The following FAM120A variants were observed in gnomAD, a reference collection of about 807,000 sequenced individuals.
The protein encoded by FAM120A is family with sequence similarity 120 member A, also known as constitutive coactivator of PPAR-gamma-like protein 1.
Under a neutral mutation model 109.7 loss-of-function variants are expected in FAM120A, and 15 were observed. The observed-to-expected ratio is 0.14, with a 90% CI of 0.09 to 0.21. The LOEUF (loss-of-function observed/expected upper bound fraction) is 0.21. Ranked by LOEUF, FAM120A falls within the 10% of genes least tolerant of loss-of-function variation. The pLI, the probability that FAM120A is intolerant of heterozygous loss-of-function variation, is 1.00. For synonymous variants in FAM120A, 493 were observed against 572.8 expected (o/e 0.86, Z 1.99); for missense variants, 899 against 1,439.3 (o/e 0.62, Z 6.07).
rs1857337787 is a variant in FAM120A at position 93,452,895 on chromosome 9, C to G, written c.474+506C>G. ...TCAGTGCTGCTGCCGCCGCCCTTGC[C>G]AATGTTGTTAGCCCGGTGACAGCGA... is the stretch of plus-strand genomic sequence containing the variant. On this transcript the variant is annotated intron_variant, in intron 1 of 17. Coordinates refer to ENST00000277165, the MANE Select transcript of FAM120A (RefSeq NM_014612.5). The surrounding 1 kb of genome is among the most constrained non-coding windows in gnomAD (Gnocchi z 7.0). 2 of 1,443,006 alleles carry G rather than the reference C, an allele frequency of 1.4e-6. No individual in the cohort carries two copies. The highest frequency in any genetic ancestry group is 9.0e-7 in the Non-Finnish European group (1 of 1,106,508). 89.4% of individuals were successfully genotyped at this position (1,443,006 alleles called of 1,614,324 possible).
chr9:93,487,083 C>T (rs1055055703), intron 3 of FAM120A, among the ~76,000 whole-genome samples: 4 of 152,136 alleles, frequency 2.6e-5, no homozygotes, highest in Non-Finnish European at 5.9e-5. Flanking sequence ...TTCAGACCTT[C>T]TTTGGATAAA....
chr9:93,547,697 C>G (rs1861938409), intron 11 of FAM120A, among the ~76,000 whole-genome samples: 1 of 152,112 alleles, frequency 6.6e-6, no homozygotes, highest in Admixed American at 6.5e-5. Context: ...GAAAAAATTT[C>G]CAGAAATACC....
At chr9:93,476,122 G>A (rs1858537971) in intron 2 of FAM120A, 134 bp from the exon 3 acceptor site, 1 of 609,848 alleles carries the variant, frequency 1.6e-6, no homozygotes, top group African/African-American at 1.9e-5. Context: ...GTCGCTTTAT[G>A]TTAAGAGATG....
Position 93,558,660 on chromosome 9 carries a change from G to T in FAM120A, c.2748G>T (p.Ser916=). 1 of 1,614,104 alleles carries T rather than the reference G, an allele frequency of 6.2e-7. No homozygotes were observed. Among genetic ancestry groups the T allele is most frequent in the South Asian group, 1.1e-5 (1 of 91,078 alleles). ...PYRAFRVAAA[S]GHCGAFSGSD... ...GTGCCTTCCGTGTGGCGGCAGCATC[G>T]GGACACTGCGGAGCCTTCTCAGGCA... The change falls in exon 15 of 18, where the codon TCG becomes TCT. Residue 916 remains serine, a synonymous_variant. Coordinates refer to ENST00000277165, the MANE Select transcript of FAM120A (RefSeq NM_014612.5).
intron 10 of FAM120A, among the ~76,000 whole-genome samples, chr9:93,534,623 C>G (rs1432142618): frequency 6.6e-6 from 1 of 152,156 alleles, no homozygotes; most frequent in East Asian, 1.9e-4. Flanking sequence ...TCCCTCCTCT[C>G]CTCTTCTCCT....
intron 3 of FAM120A, among the ~76,000 whole-genome samples, chr9:93,485,973 C>G (rs1264397046): frequency 6.6e-6 from 1 of 151,972 alleles, no homozygotes; most frequent in Non-Finnish European, 1.5e-5. Flanking sequence ...GTACTTTATT[C>G]CTTTTTTAAA....
intron 1 of FAM120A, among the ~76,000 whole-genome samples, chr9:93,462,342 G>A (rs907893602): frequency 6.6e-6 from 1 of 152,000 alleles, no homozygotes; most frequent in East Asian, 1.9e-4. Context: ...GCGCAGTAGC[G>A]TGATCTCAGC....
intron 3 of FAM120A, among the ~76,000 whole-genome samples, chr9:93,490,389 A>T (rs973679862): frequency 6.6e-6 from 1 of 152,226 alleles, no homozygotes; most frequent in Non-Finnish European, 1.5e-5. Context: ...GAATATGACC[A>T]AGTGGATTTT....
At chr9:93,539,137 G>A (rs1027500473) in intron 10 of FAM120A, among the ~76,000 whole-genome samples, 1 of 151,920 alleles carries the variant, frequency 6.6e-6, no homozygotes, top group Non-Finnish European at 1.5e-5. Context: ...AGCTGGGACT[G>A]CAGGCACCTG....
chr9:93,526,214 G>C (rs943560600), intron 7 of FAM120A, among the ~76,000 whole-genome samples: 2 of 152,188 alleles, frequency 1.3e-5, no homozygotes, highest in African/African-American at 4.8e-5. Flanking sequence ...GTTCCAGTGT[G>C]GTGCTGCATC....
At chr9:93,558,847 C>A in intron 15 of FAM120A, 129 bp downstream of exon 15, 1 of 1,014,958 alleles carries the variant, frequency 9.9e-7, no homozygotes, top group Non-Finnish European at 1.4e-6. Context: ...CTTCTGGGTC[C>A]CCGCTCTGAC....
At position 93,532,339 on chromosome 9, in the gene FAM120A, G is replaced by C. The variant is rs1384520249; in HGVS notation, c.1909+10G>C. The C allele has an allele frequency of 3.1e-5, 50 of 1,613,330 alleles. No homozygotes were observed. Among genetic ancestry groups the C allele is most frequent in the Non-Finnish European group, 4.0e-5 (47 of 1,179,258 alleles). On this transcript the variant is annotated intron_variant, in intron 10 of 17. Coordinates refer to ENST00000277165, the MANE Select transcript of FAM120A (RefSeq NM_014612.5). The surrounding 1 kb of genome is among the most constrained non-coding windows in gnomAD (Gnocchi z 4.3). Reference sequence around the variant, plus strand: ...AGACTTCCACCAGAATGTATGTACTGTAACAATCCATTGTTTGTTTTCCTC... The same window carrying C: ...AGACTTCCACCAGAATGTATGTACTCTAACAATCCATTGTTTGTTTTCCTC...
chr9:93,552,620 G>T (rs906960802), intron 12 of FAM120A, among the ~76,000 whole-genome samples: 5 of 152,136 alleles, frequency 3.3e-5, no homozygotes, highest in Non-Finnish European at 7.3e-5. Flanking sequence ...ATCAGATTGA[G>T]AATTGATAGG....
At position 93,532,198 on chromosome 9, in the gene FAM120A, A is replaced by G; in HGVS notation, c.1778A>G (p.Lys593Arg). 1 of 1,614,256 alleles carries G rather than the reference A, an allele frequency of 6.2e-7. No homozygotes were observed. The highest frequency in any genetic ancestry group is 8.5e-7 in the Non-Finnish European group (1 of 1,180,032). Residue 593 changes from lysine (K) to arginine (R), a missense_variant, in exon 10 of 18, where the codon AAG (lysine) becomes AGG (arginine). Physicochemically the swap from Lys to Arg is conservative, Grantham distance 26. Around this residue, in one of 11 missense-constraint regions of FAM120A, gnomAD observed 133 missense variants for 276.6 expected, o/e 0.48. Transcript: ENST00000277165. The surrounding 1 kb of genome is among the most constrained non-coding windows in gnomAD (Gnocchi z 4.3). ...IAVSIEDEAN[K>R]DLPPAALLYR... Reference sequence around the variant, plus strand: ...GTTTCTATTGAAGATGAAGCCAACAAGGACCTGCCTCCGGCCGCTCTGCTC... The same window carrying G: ...GTTTCTATTGAAGATGAAGCCAACAGGGACCTGCCTCCGGCCGCTCTGCTC...
chr9:93,453,215 GTATT>G (rs1414269652), intron 1 of FAM120A: 3 of 1,002,312 alleles, frequency 3.0e-6, no homozygotes, highest in Non-Finnish European at 3.6e-6. Context: ...TGCACAGTAA[GTATT>G]CAGTGACCTT....
rs1861369900 is a variant in FAM120A, at chr9:93,532,570, G to A, written c.1909+241G>A. 2.0e-6 allele frequency: 1 copy of A among 504,764 alleles called. No individual in the cohort carries two copies. Among genetic ancestry groups the A allele is most frequent in the Non-Finnish European group, 3.6e-6 (1 of 279,480 alleles). The allele number at this position is 504,764 out of a possible 1,614,324, so 31.3% of individuals were successfully genotyped here. ...GTTTATTCAGTAAAATAATAAAACA[G>A]GTTTACACTTTAAAGTGAATGTTGA... On this transcript the variant is annotated intron_variant, in intron 10 of 17. Coordinates refer to ENST00000277165, the MANE Select transcript of FAM120A (RefSeq NM_014612.5). This position sits in a 1 kb window ranked among gnomAD's most constrained non-coding sequence, Gnocchi z 4.3.
intron 11 of FAM120A, 32 bp downstream of exon 11, chr9:93,543,503 G>A: frequency 6.2e-7 from 1 of 1,604,818 alleles, no homozygotes; most frequent in Non-Finnish European, 8.5e-7. Context: ...TGGGACCTGG[G>A]TCCCCGCCAG....
intron 5 of FAM120A, among the ~76,000 whole-genome samples, chr9:93,508,288 G>A (rs1860155516): frequency 6.6e-6 from 1 of 152,232 alleles, no homozygotes; most frequent in Non-Finnish European, 1.5e-5. Flanking sequence ...ACAGTGATGA[G>A]CAACCTGGTC....
At position 93,452,621 on chromosome 9, in the gene FAM120A, G is replaced by A. The variant is rs898076828; in HGVS notation, c.474+232G>A. Reference sequence around the variant, plus strand: ...GTCCCTGTTCGGGGTCCGCGGCCGCGTGGGGACACTTGAGGGCTGGGAGAG... The same window carrying A: ...GTCCCTGTTCGGGGTCCGCGGCCGCATGGGGACACTTGAGGGCTGGGAGAG... On this transcript the variant is annotated intron_variant, in intron 1 of 17. Coordinates refer to ENST00000277165, the MANE Select transcript of FAM120A (RefSeq NM_014612.5). The surrounding 1 kb of genome is among the most constrained non-coding windows in gnomAD (Gnocchi z 7.0). 1.9e-6 allele frequency: 3 copies of A among 1,599,258 alleles called. No homozygotes were observed. The highest frequency in any genetic ancestry group is 1.1e-5 in the South Asian group (1 of 91,070).
Sources: allele counts gnomAD v4.1 joint callset (sites outside exome capture counted in the v4.1 genomes callset), GRCh38; gene constraint gnomAD v4.1.1; regional missense constraint gnomAD v4.1.1; non-coding constraint Gnocchi (gnomAD v3.1); transcripts MANE v1.5; gene names NCBI Gene and HGNC (gene_info 2026-07-23, HGNC 2026-07-21).